The following THSD4 variants were observed in gnomAD, a reference collection of about 807,000 sequenced individuals.
THSD4 encodes thrombospondin type-1 domain-containing protein 4.
Under a neutral mutation model 119.0 loss-of-function variants are expected in THSD4, and 69 were observed. The observed-to-expected ratio is 0.58, with a 90% CI of 0.48 to 0.71. The LOEUF (loss-of-function observed/expected upper bound fraction) is 0.71. Ranked by LOEUF, THSD4 falls within the 30% of genes least tolerant of loss-of-function variation. The pLI is 0.00. For synonymous variants in THSD4, 524 were observed against 540.4 expected (o/e 0.97, Z 0.42); for missense variants, 1,393 against 1,391.1 (o/e 1.00, Z -0.02).
At chr15:71,199,910 G>T (rs1178945838) in intron 3 of THSD4, among the ~76,000 whole-genome samples, 1 of 73,422 alleles carries the variant, frequency 1.4e-5, no homozygotes, top group African/African-American at 3.7e-5. Flanking sequence ...TGTGGTGCAT[G>T]TGTGGGGTGT....
At chr15:71,436,843 G>C (rs1187853544) in intron 7 of THSD4, among the ~76,000 whole-genome samples, 1 of 152,160 alleles carries the variant, frequency 6.6e-6, no homozygotes, top group African/African-American at 2.4e-5. Flanking sequence ...TTTTTACGGG[G>C]AAATGAATGG....
chr15:71,369,987 A>C (rs570286087), intron 6 of THSD4, among the ~76,000 whole-genome samples: 1 of 152,144 alleles, frequency 6.6e-6, no homozygotes, highest in African/African-American at 2.4e-5. Flanking sequence ...TAGGGATTCA[A>C]CTTCTTCCTG....
At chr15:71,451,608 A>G (rs953338684) in intron 7 of THSD4, among the ~76,000 whole-genome samples, 2 of 152,190 alleles carry the variant, frequency 1.3e-5, no homozygotes, top group African/African-American at 4.8e-5. Flanking sequence ...CTTGGTAGAC[A>G]GAGGCATGGG....
At chr15:71,254,532 C>A (rs2044292989) in intron 5 of THSD4, among the ~76,000 whole-genome samples, 1 of 152,238 alleles carries the variant, frequency 6.6e-6, no homozygotes, top group South Asian at 2.1e-4. Flanking sequence ...CTCATCCCCA[C>A]TCTTCTGCCA....
At chr15:71,431,723 T>C (rs2046944984) in intron 7 of THSD4, among the ~76,000 whole-genome samples, 2 of 152,190 alleles carry the variant, frequency 1.3e-5, no homozygotes, top group South Asian at 4.1e-4. Flanking sequence ...ACACTGTTAC[T>C]TCCCAGACCC....
upstream of THSD4, chr15:71,112,224 G>A (rs368872597): frequency 1.2e-6 from 2 of 1,612,522 alleles, no homozygotes; most frequent in African/African-American, 2.7e-5. Flanking sequence ...GCTGTAGGCA[G>A]AGGGCTGATC....
chr15:71,577,292 C>T (rs2049467348), intron 7 of THSD4, among the ~76,000 whole-genome samples: 1 of 152,202 alleles, frequency 6.6e-6, no homozygotes. Context: ...GACTAATCCA[C>T]TGATCTGTGT....
At chr15:71,098,147 C>A (rs1405493908) in intron 1 of THSD4, among the ~76,000 whole-genome samples, 2 of 144,280 alleles carry the variant, frequency 1.4e-5, no homozygotes, top group Non-Finnish European at 3.0e-5. Flanking sequence ...CGGAACAGTT[C>A]TTCTATAACC....
chr15:71,696,784 C>A (rs78144917), intron 8 of THSD4, among the ~76,000 whole-genome samples: 7 of 152,228 alleles, frequency 4.6e-5, no homozygotes, highest in African/African-American at 1.4e-4. Flanking sequence ...TCCTTCCAGC[C>A]CACCCCACTA....
intron 6 of THSD4, among the ~76,000 whole-genome samples, chr15:71,320,952 T>C (rs753640895): frequency 6.6e-6 from 1 of 152,240 alleles, no homozygotes; most frequent in Non-Finnish European, 1.5e-5. Context: ...TTTTTATCCA[T>C]GGAAAGTGAT....
chr15:71,132,617 C>A (rs1474048806), intron 1 of THSD4, among the ~76,000 whole-genome samples: 3 of 152,116 alleles, frequency 2.0e-5, no homozygotes, highest in African/African-American at 7.2e-5. Context: ...TTCAAACTTT[C>A]CTTAATAAAT....
intron 7 of THSD4, among the ~76,000 whole-genome samples, chr15:71,440,820 G>A (rs1466084907): frequency 6.6e-6 from 1 of 152,066 alleles, no homozygotes; most frequent in Non-Finnish European, 1.5e-5. Flanking sequence ...CAATAACTGG[G>A]GACAGTTTGA....
intron 8 of THSD4, among the ~76,000 whole-genome samples, chr15:71,715,259 T>C (rs1045206489): frequency 6.6e-6 from 1 of 152,238 alleles, no homozygotes; most frequent in Non-Finnish European, 1.5e-5. Flanking sequence ...TTAGGTTAAC[T>C]ACTTCTGCCA....
At chr15:71,219,015 C>A (rs1219904058) in intron 4 of THSD4, among the ~76,000 whole-genome samples, 1 of 152,026 alleles carries the variant, frequency 6.6e-6, no homozygotes, top group Non-Finnish European at 1.5e-5. Context: ...TGCAAAATTA[C>A]CATTTTTTTT....
In THSD4 at chr15:71,660,503, A is replaced by G. The variant is rs754656753; in HGVS notation, c.1153-27A>G. 1.9e-6 allele frequency: 3 copies of G among 1,613,290 alleles called. No homozygotes were observed. In the East Asian group the frequency reaches 6.7e-5, roughly 36 times the overall value. On this transcript the variant is annotated intron_variant, in intron 7 of 17. Transcript: ENST00000261862. ...CTGCATGCTCCTGATACATACTATG[A>G]GTCTTTTGTTTTCTGTCTTTTTGCA... is the stretch of plus-strand genomic sequence containing the variant.
intron 1 of THSD4, among the ~76,000 whole-genome samples, chr15:71,109,720 A>C (rs1297733445): frequency 6.9e-6 from 1 of 145,606 alleles, no homozygotes; most frequent in Non-Finnish European, 1.5e-5. Context: ...GTGAAAGGAA[A>C]CACTAAAAGA....
In THSD4 at chr15:71,212,033, G is replaced by A. The variant is rs551926902; in HGVS notation, c.100-3002G>A. On this transcript the variant is annotated intron_variant, in intron 3 of 17. Transcript: ENST00000261862. ...CTTGACTATCAGAACAGAAGAAGGG[G>A]AGAGGGTTGTCAGGAGGATCAGGAA... is the stretch of plus-strand genomic sequence containing the variant. Among the ~76,000 whole-genome samples the A allele has an allele frequency of 1.1e-4, 16 of 152,300 alleles. No homozygotes were observed. The South Asian group carries it at 3.1e-3, about 30-fold the overall frequency.
At chr15:71,460,266 G>C (rs2047409021) in intron 7 of THSD4, among the ~76,000 whole-genome samples, 1 of 151,076 alleles carries the variant, frequency 6.6e-6, no homozygotes, top group African/African-American at 2.4e-5. Flanking sequence ...TAAAAATATA[G>C]GTAGATAAGC....
intron 6 of THSD4, among the ~76,000 whole-genome samples, chr15:71,376,066 T>C (rs1428619830): frequency 6.6e-6 from 1 of 152,230 alleles, no homozygotes; most frequent in African/African-American, 2.4e-5. Flanking sequence ...AGTTGATTAA[T>C]GGCGAGAGTT....
Sources: allele counts gnomAD v4.1 joint callset (sites outside exome capture counted in the v4.1 genomes callset), GRCh38; gene constraint gnomAD v4.1.1; transcripts MANE v1.5; gene names NCBI Gene and HGNC (gene_info 2026-07-23, HGNC 2026-07-21).